The following FAR2 variants were observed in gnomAD, a reference collection of about 807,000 sequenced individuals.
FAR2 encodes the protein fatty acyl-CoA reductase 2, also known as epididymis secretory protein Li 81.
A neutral mutation model predicts 56.0 loss-of-function variants in FAR2; 19 were observed. The ratio of observed to expected loss-of-function variants is 0.34; its 90% CI spans 0.24 to 0.50. The LOEUF (loss-of-function observed/expected upper bound fraction) is 0.50, where lower values mean the gene tolerates loss of function less well. Ranked by LOEUF, FAR2 falls within the 20% of genes least tolerant of loss-of-function variation. The pLI is 0.98. For synonymous variants in FAR2, 219 were observed against 218.8 expected (o/e 1.00, Z -0.01); for missense variants, 508 against 642.2 (o/e 0.79, Z 2.26).
chr12:29,316,774 T>G, intron 8 of FAR2, 67 bp from the exon 9 acceptor site: 3 of 1,487,580 alleles, frequency 2.0e-6, no homozygotes, highest in Non-Finnish European at 2.8e-6. Flanking sequence ...CCATTACAAA[T>G]GCTTTCCACT....
chr12:29,277,302 C>A (rs7313552), intron 2 of FAR2: 100,639 of 152,104 alleles, frequency 0.66, 34,352 homozygotes, highest in African/African-American at 0.83. Context: ...GCATAGCTGA[C>A]CTTGAGGCAA....
intron 1 of FAR2, among the ~76,000 whole-genome samples, chr12:29,170,850 C>T (rs1949879008): frequency 6.6e-6 from 1 of 152,248 alleles, no homozygotes; most frequent in Non-Finnish European, 1.5e-5. Flanking sequence ...TCTCCCCTCA[C>T]CTTCCCCTTT....
intron 1 of FAR2, among the ~76,000 whole-genome samples, chr12:29,179,423 C>G (rs1235235425): frequency 6.6e-6 from 1 of 152,172 alleles, no homozygotes; most frequent in Non-Finnish European, 1.5e-5. Flanking sequence ...TGTACTTACC[C>G]TATGCCAGGT....
chr12:29,258,232 G>A (rs1948360200), intron 1 of FAR2, among the ~76,000 whole-genome samples: 1 of 151,596 alleles, frequency 6.6e-6, no homozygotes, highest in Non-Finnish European at 1.5e-5. Flanking sequence ...GCAGGTGCCT[G>A]TAGTCCCAGC....
intron 1 of FAR2, among the ~76,000 whole-genome samples, chr12:29,176,370 A>G (rs893155712): frequency 6.6e-6 from 1 of 152,234 alleles, no homozygotes; most frequent in African/African-American, 2.4e-5. Context: ...TGGTCATCAG[A>G]ATTCCAGCTG....
chr12:29,218,692 A>C (rs2136636783), intron 1 of FAR2, among the ~76,000 whole-genome samples: 1 of 152,162 alleles, frequency 6.6e-6, no homozygotes. Context: ...CACAAAGAAA[A>C]TAACACCTAG....
chr12:29,265,652 CA>C (rs1290736874), intron 1 of FAR2, among the ~76,000 whole-genome samples: 7 of 147,876 alleles, frequency 4.7e-5, no homozygotes, highest in Non-Finnish European at 9.0e-5. Context: ...CAAACAGAAG[CA>C]AAAATGCACA....
intron 1 of FAR2, among the ~76,000 whole-genome samples, chr12:29,242,093 A>G (rs1334850976): frequency 6.6e-6 from 1 of 152,180 alleles, no homozygotes; most frequent in East Asian, 1.9e-4. Context: ...ACGCCACTTT[A>G]CACCGAAGGA....
At chr12:29,329,873 A>G (rs1565528435) in intron 10 of FAR2, among the ~76,000 whole-genome samples, 2 of 152,186 alleles carry the variant, frequency 1.3e-5, no homozygotes, top group African/African-American at 4.8e-5. Flanking sequence ...CTAAAAATTT[A>G]AAAAGAGAAT....
At chr12:29,309,296 T>C in intron 6 of FAR2, 66 bp downstream of exon 6, 1 of 1,176,364 alleles carries the variant, frequency 8.5e-7, no homozygotes, top group South Asian at 1.3e-5. Flanking sequence ...AAATTCTTAG[T>C]GCTGGCTTAG....
At position 29,239,803 on chromosome 12, in the gene FAR2, T is replaced by C. The variant is rs145364619; in HGVS notation, c.-38-30609T>C. Among the ~76,000 whole-genome samples the C allele has an allele frequency of 9.1e-4, 139 of 152,358 alleles. 1 individual carries two copies. Among genetic ancestry groups the C allele is most frequent in the African/African-American group, 3.1e-3 (127 of 41,578 alleles). Reference sequence around the variant, plus strand: ...AATTCTTCTAAGTAGATGATTAATATATATCCTCTGGCTTTATTAATGACA... The same window carrying C: ...AATTCTTCTAAGTAGATGATTAATACATATCCTCTGGCTTTATTAATGACA... On this transcript the variant is annotated intron_variant, in intron 1 of 11. Transcript: ENST00000536681.
chr12:29,220,065 G>T (rs1591862101), intron 1 of FAR2, among the ~76,000 whole-genome samples: 1 of 152,304 alleles, frequency 6.6e-6, no homozygotes, highest in African/African-American at 2.4e-5. Context: ...CATTACAAAT[G>T]ATCCAGTTGA....
At chr12:29,175,219 G>A (rs1026289564) in intron 1 of FAR2, among the ~76,000 whole-genome samples, 10 of 152,224 alleles carry the variant, frequency 6.6e-5, no homozygotes, top group African/African-American at 2.4e-4. Context: ...GGTCACCAAA[G>A]TGTGTCCAGA....
intron 1 of FAR2, among the ~76,000 whole-genome samples, chr12:29,181,501 G>A (rs570912420): frequency 7.2e-5 from 11 of 152,254 alleles, no homozygotes; most frequent in African/African-American, 2.2e-4. Flanking sequence ...CACTGCTTCC[G>A]GAAACTTTCA....
chr12:29,307,851 T>C lies in FAR2; in HGVS notation c.723+16T>C, dbSNP rs1258951952. On this transcript the variant is annotated intron_variant, in intron 5 of 11. Transcript: ENST00000536681. Reference sequence around the variant, plus strand: ...GCCTTTCCCAGTAAGCCCACTTACCTGGATTCTGTGTTTTGCTTCCAAACT... The same window carrying C: ...GCCTTTCCCAGTAAGCCCACTTACCCGGATTCTGTGTTTTGCTTCCAAACT... 6.3e-7 allele frequency: 1 copy of C among 1,597,726 alleles called. No individual in the cohort carries two copies. The highest frequency in any genetic ancestry group is 2.2e-5 in the East Asian group (1 of 44,714).
intron 1 of FAR2, among the ~76,000 whole-genome samples, chr12:29,152,408 A>G (rs1390537): frequency 0.12 from 19,018 of 152,150 alleles, 1,290 homozygotes; most frequent in African/African-American, 0.17. Flanking sequence ...GAACTGAGAA[A>G]ACAGGCAAGT....
At chr12:29,311,612 T>C (rs1216741848) in intron 7 of FAR2, among the ~76,000 whole-genome samples, 1 of 151,866 alleles carries the variant, frequency 6.6e-6, no homozygotes, top group Middle Eastern at 3.2e-3. Context: ...ATTTTTCTTA[T>C]GTGAACTCAC....
At chr12:29,206,318 A>C (rs1947477853) in intron 1 of FAR2, among the ~76,000 whole-genome samples, 1 of 152,248 alleles carries the variant, frequency 6.6e-6, no homozygotes, top group African/African-American at 2.4e-5. Flanking sequence ...TATATTCCAA[A>C]GGTGACGCCA....
intron 4 of FAR2, among the ~76,000 whole-genome samples, chr12:29,306,360 G>C (rs557370018): frequency 8.5e-5 from 13 of 152,298 alleles, no homozygotes; most frequent in African/African-American, 2.9e-4. Context: ...TATAGTCGAT[G>C]CCCATGTTCT....
Sources: allele counts gnomAD v4.1 joint callset (sites outside exome capture counted in the v4.1 genomes callset), GRCh38; gene constraint gnomAD v4.1.1; transcripts MANE v1.5; gene names NCBI Gene and HGNC (gene_info 2026-07-23, HGNC 2026-07-21).